The following TJP3 variants were observed in gnomAD, a reference collection of about 807,000 sequenced individuals.
TJP3 encodes the protein tight junction protein ZO-3.
A neutral mutation model predicts 104.2 loss-of-function variants in TJP3; 85 were observed. That is an observed-to-expected ratio of 0.82 (90% CI 0.68 to 0.98). The LOEUF (loss-of-function observed/expected upper bound fraction) is 0.98, where lower values mean the gene tolerates loss of function less well. Among genes scored for constraint, TJP3 ranks in the 50% least tolerant of loss-of-function variants. The pLI, the probability that TJP3 is intolerant of heterozygous loss-of-function variation, is 0.00. For synonymous variants in TJP3, 550 were observed against 550.6 expected (o/e 1.00, Z 0.02); for missense variants, 1,367 against 1,322.8 (o/e 1.03, Z -0.52).
At chr19:3,748,180 A>AACAAC in intron 19 of TJP3, 99 bp downstream of exon 19, 2 of 1,410,034 alleles carry the variant, frequency 1.4e-6, no homozygotes, top group Non-Finnish European at 1.9e-6. Flanking sequence ...CCAGGACGTC[A>AACAAC]ACAAACACGG....
rs192749069 is a variant in TJP3, at chr19:3,743,200, G to T, written c.1844-739G>T. Among the ~76,000 whole-genome samples the T allele has an allele frequency of 5.8e-4, 88 of 152,212 alleles. No homozygotes were observed. The East Asian group carries it at 0.013, about 22-fold the overall frequency. On this transcript the variant is annotated intron_variant, in intron 14 of 20. Coordinates refer to ENST00000541714, the MANE Select transcript of TJP3 (RefSeq NM_001267560.2). The stretch of plus-strand genomic sequence containing the variant: ...AACTGCATGAACCTGGAAGGTGAAG[G>T]TTGCAGTGAGCCAAGATTGCGCCAC...
chr19:3,746,731 C>T lies in TJP3; in HGVS notation c.2221+36C>T, dbSNP rs1476362081. On this transcript the variant is annotated intron_variant, in intron 17 of 20. Transcript: ENST00000541714. The surrounding 1 kb of genome is among the most constrained non-coding windows in gnomAD (Gnocchi z 4.1). ...GGGTGTCCCAGGGTAGGCGGGTGGG[C>T]CCCAGCCTGAGTCTCCTGCACACAC... The T allele has an allele frequency of 3.8e-6, 6 of 1,599,662 alleles. No individual in the cohort carries two copies. Among genetic ancestry groups the T allele is most frequent in the Non-Finnish European group, 5.1e-6 (6 of 1,173,246 alleles).
rs755275209 is a variant in TJP3, at chr19:3,746,886, C to T, written c.2322+10C>T. On this transcript the variant is annotated intron_variant, in intron 18 of 20. Transcript: ENST00000541714. The surrounding 1 kb of genome is among the most constrained non-coding windows in gnomAD (Gnocchi z 4.1). Reference sequence around the variant, plus strand: ...GACGGCGGAAGATCAGGTACTGCCGCGGTGTGGGTGGGTCGGGCAGGGAGG... The same window carrying T: ...GACGGCGGAAGATCAGGTACTGCCGTGGTGTGGGTGGGTCGGGCAGGGAGG... 1.3e-5 allele frequency: 11 copies of T among 822,074 alleles called. No homozygotes were observed. The highest frequency in any genetic ancestry group is 4.9e-5 in the East Asian group (1 of 20,586). The allele number at this position is 822,074 out of a possible 1,614,324, so 50.9% of individuals were successfully genotyped here.
intron 13 of TJP3, among the ~76,000 whole-genome samples, chr19:3,739,423 G>C (rs2036783044): frequency 6.6e-6 from 1 of 152,210 alleles, no homozygotes; most frequent in South Asian, 2.1e-4. Context: ...CTGGGAGGCA[G>C]AGGTTACAGT....
chr19:3,729,978 A>T, intron 3 of TJP3, 50 bp from the exon 4 acceptor site: 1 of 1,520,580 alleles, frequency 6.6e-7, no homozygotes, highest in Non-Finnish European at 9.1e-7. Flanking sequence ...GCTTGTTACG[A>T]GGGTCTCCCC....
At chr19:3,735,779 C>G in intron 9 of TJP3, 90 bp from the exon 10 acceptor site, 1 of 1,575,446 alleles carries the variant, frequency 6.3e-7, no homozygotes, top group South Asian at 1.1e-5. Context: ...AGGTGGGTGA[C>G]AGTCCTTCCA....
chr19:3,750,553 C>A (rs1417281576), intron 20 of TJP3, 29 bp from the exon 21 acceptor site: 1 of 1,552,516 alleles, frequency 6.4e-7, no homozygotes, highest in Non-Finnish European at 8.8e-7. Context: ...TTCCCACCCA[C>A]AGCATCTATT....
chr19:3,710,285 G>C (rs33989798), intron 1 of TJP3, among the ~76,000 whole-genome samples: 108,535 of 151,644 alleles, frequency 0.72, 39,199 homozygotes, highest in East Asian at 1. Flanking sequence ...GTCCGAATCG[G>C]AGTCTGGTCT....
chr19:3,729,773 C>T (rs920390258), intron 3 of TJP3, among the ~76,000 whole-genome samples: 1 of 118,244 alleles, frequency 8.5e-6, no homozygotes, highest in Non-Finnish European at 1.7e-5. Context: ...CAGAGTGAGA[C>T]TCTGTCTCAA....
chr19:3,709,582 A>C lies in TJP3; in HGVS notation c.-10+1021A>C, dbSNP rs1988800674. On this transcript the variant is annotated intron_variant, in intron 1 of 20. Coordinates refer to ENST00000541714, the MANE Select transcript of TJP3 (RefSeq NM_001267560.2). ...GAGCCAAGTGTCCGATTGCATCTCA[A>C]GTCTCTCTCCAGAACCAAGAGGGTC... Among the ~76,000 whole-genome samples the C allele has an allele frequency of 3.9e-5, 6 of 152,132 alleles. No homozygotes were observed. In the South Asian group the frequency reaches 1.2e-3, roughly 31 times the overall value.
In TJP3 at chr19:3,739,134, G is replaced by C. The variant is rs1470663341; in HGVS notation, c.1631G>C (p.Arg544Thr). 4 of 1,536,344 alleles carry C rather than the reference G, an allele frequency of 2.6e-6. No individual in the cohort carries two copies. The highest frequency in any genetic ancestry group is 3.5e-6 in the Non-Finnish European group (4 of 1,140,224). The change falls in exon 13 of 21, where the codon AGG becomes ACG. Residue 544 changes from arginine to threonine, a missense_variant and splice_region_variant. Transcript: ENST00000541714. ...CGGGGCATCATTCCCAACCAGAGCAGGTGGGGACTGTGTGCTCCTGCAGTG... is the reference window on the plus strand; with the variant it reads ...CGGGGCATCATTCCCAACCAGAGCACGTGGGGACTGTGTGCTCCTGCAGTG... ...QERGIIPNQS[R>T]AEQLASLEAA...
chr19:3,728,387 T>C (rs2036625041), intron 1 of TJP3, 37 bp from the exon 2 acceptor site: 1 of 1,614,078 alleles, frequency 6.2e-7, no homozygotes, highest in East Asian at 2.2e-5. Context: ...TGAACCTGTG[T>C]GGCCTCATGC....
rs749671939 is a variant in TJP3, at chr19:3,735,863, T to G, written c.1061-6T>G. On this transcript the variant is annotated splice_region_variant and splice_polypyrimidine_tract_variant and intron_variant, in intron 9 of 20. Transcript: ENST00000541714. ...CTTGGGAAAGAGACTGGCTTTTCCC[T>G]TTCAGAGTTGCCCAGGGAAAGCAGC... is the stretch of plus-strand genomic sequence containing the variant. The G allele has an allele frequency of 6.2e-7, 1 of 1,614,092 alleles. No homozygotes were observed. The highest frequency in any genetic ancestry group is 8.5e-7 in the Non-Finnish European group (1 of 1,180,012).
rs755871583 is a variant in TJP3 at position 3,746,235 on chromosome 19, G to A, written c.2010+154G>A. On this transcript the variant is annotated intron_variant, in intron 16 of 20. Transcript: ENST00000541714. The surrounding 1 kb of genome is among the most constrained non-coding windows in gnomAD (Gnocchi z 4.1). ...GGAGGCTTTGTGAGGCAGGAGGCCC[G>A]AGACAGACAAGGGCTTCTCGGAGTC... Among the ~76,000 whole-genome samples the A allele has an allele frequency of 6.6e-6, 1 of 152,064 alleles. No individual in the cohort carries two copies. Among genetic ancestry groups the A allele is most frequent in the African/African-American group, 2.4e-5 (1 of 41,380 alleles).
At chr19:3,710,790 C>G (rs528670279) in intron 1 of TJP3, among the ~76,000 whole-genome samples, 30 of 152,200 alleles carry the variant, frequency 2.0e-4, no homozygotes, top group African/African-American at 7.0e-4. Flanking sequence ...GCTTCCTGCT[C>G]TCGTGGGGCG....
intron 1 of TJP3, among the ~76,000 whole-genome samples, chr19:3,718,864 T>C (rs1460218942): frequency 6.6e-6 from 1 of 152,020 alleles, no homozygotes; most frequent in Admixed American, 6.6e-5. Context: ...TCACGACTCA[T>C]TAAAACAAAT....
chr19:3,718,240 T>TGTG (rs2036506980), intron 1 of TJP3, among the ~76,000 whole-genome samples: 3 of 115,382 alleles, frequency 2.6e-5, no homozygotes, highest in African/African-American at 7.6e-5. Context: ...TGTGTGTGTG[T>TGTG]GTGTGTGTGT....
In TJP3 at chr19:3,748,098, G is replaced by T. The variant is rs1434552568; in HGVS notation, c.2610+17G>T. The T allele has an allele frequency of 1.3e-6, 2 of 1,533,990 alleles. No individual in the cohort carries two copies. Among genetic ancestry groups the T allele is most frequent in the East Asian group, 4.9e-5 (2 of 41,144 alleles). On this transcript the variant is annotated intron_variant, in intron 19 of 20. Transcript: ENST00000541714. Reference sequence around the variant, plus strand: ...GGGGCCCAGGTGCGTCGGACATGGGGGGCAGGCCTGGGAAGGGTCTCCGGA... The same window carrying T: ...GGGGCCCAGGTGCGTCGGACATGGGTGGCAGGCCTGGGAAGGGTCTCCGGA...
At chr19:3,708,934 C>T (rs1243791097) in intron 1 of TJP3, among the ~76,000 whole-genome samples, 3 of 152,024 alleles carry the variant, frequency 2.0e-5, no homozygotes, top group Admixed American at 6.6e-5. Context: ...TCCTGCAGCC[C>T]GAGGCTAGGA....
Sources: allele counts gnomAD v4.1 joint callset (sites outside exome capture counted in the v4.1 genomes callset), GRCh38; gene constraint gnomAD v4.1.1; non-coding constraint Gnocchi (gnomAD v3.1); transcripts MANE v1.5; gene names NCBI Gene and HGNC (gene_info 2026-07-23, HGNC 2026-07-21).